The following PLEKHG6 variants were observed in gnomAD, a reference collection of about 807,000 sequenced individuals.
PLEKHG6 encodes the protein pleckstrin homology domain-containing family G member 6.
Under a neutral mutation model 97.5 loss-of-function variants are expected in PLEKHG6, and 91 were observed. The ratio of observed to expected loss-of-function variants is 0.93; its 90% confidence interval spans 0.79 to 1.11. PLEKHG6 has a LOEUF of 1.11. PLEKHG6 is among the 50% of genes most tolerant of loss of function. The pLI is 0.00. For missense variants in PLEKHG6, 1,044 were observed against 1,031.0 expected, an observed-to-expected ratio of 1.01 and a Z score of -0.17; for synonymous variants, 466 against 425.5, an observed-to-expected ratio of 1.10 and a Z score of -1.17.
upstream of PLEKHG6, chr12:6,310,623 CT>C (rs1360173893): frequency 6.6e-6 from 1 of 152,094 alleles, no homozygotes; most frequent in African/African-American, 2.4e-5. Flanking sequence ...GGCCCCGCCC[CT>C]CTGCCCCTCT....
chr12:6,315,731 G>A lies in PLEKHG6; in HGVS notation c.555+82G>A, dbSNP rs1031364272. The A allele has an allele frequency of 1.7e-6, 2 of 1,206,852 alleles. No individual in the cohort carries two copies. Among genetic ancestry groups the A allele is most frequent in the Non-Finnish European group, 2.4e-6 (2 of 850,252 alleles). The allele number at this position is 1,206,852 out of a possible 1,614,324, so 74.8% of individuals were successfully genotyped here. On this transcript the variant is annotated intron_variant, in intron 5 of 15. Coordinates refer to ENST00000684764, the MANE Select transcript of PLEKHG6 (RefSeq NM_001384598.1). The surrounding 1 kb of genome is among the most constrained non-coding windows in gnomAD (Gnocchi z 4.5). ...TCCCAGACTGGAAGGCAGGTCACTG[G>A]GGGAGGGAGGGGCAGGATTTCAGGC...
In PLEKHG6 at chr12:6,315,170, G is replaced by A; in HGVS notation, c.459+1G>A. On this transcript the variant is annotated splice_donor_variant, in intron 4 of 15. Coordinates refer to ENST00000684764, the MANE Select transcript of PLEKHG6 (RefSeq NM_001384598.1). LOFTEE classifies it high-confidence loss of function. The surrounding 1 kb of genome is among the most constrained non-coding windows in gnomAD (Gnocchi z 4.5). ...GAGGGAGCTGGTGCCTGGGCACAAGGTGAGCCTGAAACTCACAAGGTGAGT... is the reference window on the plus strand; with the variant it reads ...GAGGGAGCTGGTGCCTGGGCACAAGATGAGCCTGAAACTCACAAGGTGAGT... The A allele has an allele frequency of 4.3e-6, 7 of 1,609,976 alleles. No homozygotes were observed. In the South Asian group the frequency reaches 4.4e-5, roughly 10 times the overall value.
chr12:6,313,528 TG>T, intron 2 of PLEKHG6, 100 bp from the exon 3 acceptor site: 2 of 1,384,144 alleles, frequency 1.4e-6, no homozygotes, highest in Non-Finnish European at 2.0e-6. Flanking sequence ...CTTACCAGGG[TG>T]GGGGAACAAC....
At chr12:6,326,799 C>G (rs1007406570) in intron 14 of PLEKHG6, among the ~76,000 whole-genome samples, 1 of 152,074 alleles carries the variant, frequency 6.6e-6, no homozygotes, top group African/African-American at 2.4e-5. Context: ...ACAGAGTTAG[C>G]CTGCCTAGAG....
At position 6,327,566 on chromosome 12, in the gene PLEKHG6, G is replaced by A; in HGVS notation, c.1983G>A (p.Gln661=). The change falls in exon 15 of 16, where the codon CAG becomes CAA. Residue 661 remains glutamine (Q), a synonymous_variant. Transcript: ENST00000684764. Reference sequence around the variant, plus strand: ...TCCTAAAAGGAGGCAGTCTTCCCCAGGAAGACCCACCAACCTGGTCTGAGG... The same window carrying A: ...TCCTAAAAGGAGGCAGTCTTCCCCAAGAAGACCCACCAACCTGGTCTGAGG... ...EGILKGGSLP[Q]EDPPTWSEEE... is the part of the protein sequence containing the mutation. 1 of 1,519,692 alleles carries A rather than the reference G, an allele frequency of 6.6e-7. No homozygotes were observed. Among genetic ancestry groups the A allele is most frequent in the Non-Finnish European group, 8.9e-7 (1 of 1,122,926 alleles). The allele number at this position is 1,519,692 out of a possible 1,614,324, so 94.1% of individuals were successfully genotyped here. A position where few individuals can be genotyped will look rare whatever the true frequency, so the allele number is the denominator to read the frequency against.
Position 6,315,119 on chromosome 12 carries a change from A to G in PLEKHG6, c.409A>G (p.Ser137Gly). The stretch of plus-strand genomic sequence containing the variant: ...CTGGGAGATAGGAGAGGGTGGCGAC[A>G]GTGGCCTGACCATCGAGAAGTCCTG... ...RHWEIGEGGDSGLTIEKSWRE... is the reference protein window; with the variant it reads ...RHWEIGEGGDGGLTIEKSWRE... The change falls in exon 4 of 16, where the codon AGT (serine) becomes GGT (glycine). Residue 137 changes from serine to glycine, a missense_variant. Transcript: ENST00000684764. The surrounding 1 kb of genome is among the most constrained non-coding windows in gnomAD (Gnocchi z 4.5). 1.2e-6 allele frequency: 2 copies of G among 1,612,664 alleles called. No homozygotes were observed. Among genetic ancestry groups the G allele is most frequent in the Non-Finnish European group, 8.5e-7 (1 of 1,179,994 alleles).
chr12:6,322,867 T>G (rs1211666851), intron 13 of PLEKHG6, among the ~76,000 whole-genome samples: 1 of 151,270 alleles, frequency 6.6e-6, no homozygotes, highest in Non-Finnish European at 1.5e-5. Flanking sequence ...GACAACAGGG[T>G]GAGACCTTGT....
intron 10 of PLEKHG6, 148 bp from the exon 11 acceptor site, chr12:6,318,153 C>A: frequency 7.1e-7 from 1 of 1,399,496 alleles, no homozygotes. Flanking sequence ...GTCAGAAGAG[C>A]AAAAAGGAGG....
In PLEKHG6 at chr12:6,327,913, A is replaced by C. The variant is rs1565463965; in HGVS notation, c.2330A>C (p.His777Pro). The part of the protein sequence containing the change: ...RAQLQRMRGP[H>P]IIQLDTPLSA... ...CAGCTGCAGAGGATGCGGGGGCCCCACATCATTCAGCTGGACACCCCTCTG... is the reference window on the plus strand; with the variant it reads ...CAGCTGCAGAGGATGCGGGGGCCCCCCATCATTCAGCTGGACACCCCTCTG... Residue 777 changes from histidine (H) to proline (P), a missense_variant, in exon 15 of 16, where the codon CAC (histidine) becomes CCC (proline). His to Pro is a moderately conservative substitution (Grantham distance 77, BLOSUM62 -2). Transcript: ENST00000684764. 2 of 1,482,932 alleles carry C rather than the reference A, an allele frequency of 1.3e-6. No homozygotes were observed. The highest frequency in any genetic ancestry group is 4.7e-5 in the East Asian group (2 of 42,320). 91.9% of individuals were successfully genotyped at this position (1,482,932 alleles called of 1,614,324 possible).
rs550586055 is a variant in PLEKHG6 at position 6,317,858 on chromosome 12, T to A, written c.1019T>A (p.Ile340Asn). 9.7e-6 allele frequency: 15 copies of A among 1,552,370 alleles called. No individual in the cohort carries two copies. Among genetic ancestry groups the A allele is most frequent in the Non-Finnish European group, 1.3e-5 (15 of 1,147,076 alleles). The stretch of plus-strand genomic sequence containing the variant: ...TCCCACACCCCCAACCCCACCTAGA[T>A]TGAAGCCGTGGAGTCATTCCTGCGA... ...ARAQEALNAM[I>N]EAVESFLRHI... Residue 340 changes from isoleucine (I) to asparagine (N), a missense_variant and splice_region_variant, in exon 10 of 16, where the codon ATT becomes AAT. Coordinates refer to ENST00000684764, the MANE Select transcript of PLEKHG6 (RefSeq NM_001384598.1).
Position 6,327,479 on chromosome 12 carries a change from T to TGGGGCCCCCCCCCCCCC in PLEKHG6, c.1896_1897insGGGGCCCCCCCCCCCCC (p.Pro633GlyfsTer28). 2 of 1,603,262 alleles carry TGGGGCCCCCCCCCCCCC rather than the reference T, an allele frequency of 1.2e-6. No homozygotes were observed. The highest frequency in any genetic ancestry group is 1.7e-6 in the Non-Finnish European group (2 of 1,171,710). On this transcript the variant is annotated frameshift_variant, in exon 15 of 16. Transcript: ENST00000684764. LOFTEE classifies it high-confidence loss of function. ...TGGAACTCCGGGACATCCCTCTGCG[T>TGGGGCCCCCCCCCCCCC]CCCCACCCTCCCGACCCCCAAGCTC...
At chr12:6,317,724 T>A in intron 9 of PLEKHG6, 28 bp downstream of exon 9, 1 of 1,610,686 alleles carries the variant, frequency 6.2e-7, no homozygotes, top group Non-Finnish European at 8.5e-7. Flanking sequence ...GCTGGGACTC[T>A]GGTGAATCGG....
chr12:6,326,124 G>A (rs557827578), intron 13 of PLEKHG6, among the ~76,000 whole-genome samples: 1 of 152,006 alleles, frequency 6.6e-6, no homozygotes, highest in East Asian at 1.9e-4. Context: ...GGCCAAGATG[G>A]TGAAACCCCA....
intron 1 of PLEKHG6, among the ~76,000 whole-genome samples, chr12:6,311,784 T>C (rs1035312380): frequency 6.8e-6 from 1 of 146,986 alleles, no homozygotes; most frequent in Admixed American, 6.8e-5. Context: ...AAGCTTTATA[T>C]GGGGAAGGGG....
intron 13 of PLEKHG6, among the ~76,000 whole-genome samples, chr12:6,321,584 A>C (rs1947702454): frequency 6.6e-6 from 1 of 151,432 alleles, no homozygotes; most frequent in African/African-American, 2.4e-5. Context: ...CACGCCTGTA[A>C]TCCCAGCACT....
In PLEKHG6 at chr12:6,327,272, C is replaced by A; in HGVS notation, c.1689C>A (p.Thr563=). 1 of 1,601,052 alleles carries A rather than the reference C, an allele frequency of 6.2e-7. No individual in the cohort carries two copies. The highest frequency in any genetic ancestry group is 8.5e-7 in the Non-Finnish European group (1 of 1,171,756). The change falls in exon 15 of 16, where the codon ACC becomes ACA. Residue 563 remains threonine (T), a synonymous_variant. Transcript: ENST00000684764. ...ACTGTAGGACTCCTGAGTTCTCGACCATTATCCCCCACCTGGTGGTGACAG... is the reference window on the plus strand; with the variant it reads ...ACTGTAGGACTCCTGAGTTCTCGACAATTATCCCCCACCTGGTGGTGACAG... ...SAEGRTPEFS[T]IIPHLVVTED... is the part of the protein sequence containing the mutation.
chr12:6,322,236 C>T (rs561659319), intron 13 of PLEKHG6, among the ~76,000 whole-genome samples: 1 of 152,184 alleles, frequency 6.6e-6, no homozygotes, highest in Non-Finnish European at 1.5e-5. Flanking sequence ...TTAGTTATTG[C>T]TTCCTCAGTG....
Position 6,327,905 on chromosome 12 carries a change from G to C in PLEKHG6, c.2322G>C (p.Arg774=). Residue 774 remains arginine (R), a synonymous_variant, in exon 15 of 16, where the codon CGG becomes CGC. Coordinates refer to ENST00000684764, the MANE Select transcript of PLEKHG6 (RefSeq NM_001384598.1). ...KLTRAQLQRM[R]GPHIIQLDTP... is the part of the protein sequence containing the mutation. ...CTCGGGCCCAGCTGCAGAGGATGCG[G>C]GGGCCCCACATCATTCAGCTGGACA... 6.7e-7 allele frequency: 1 copy of C among 1,484,710 alleles called. No homozygotes were observed. The highest frequency in any genetic ancestry group is 8.9e-7 in the Non-Finnish European group (1 of 1,118,044). The allele number at this position is 1,484,710 out of a possible 1,614,324, so 92.0% of individuals were successfully genotyped here.
rs991736505 is a variant in PLEKHG6, at chr12:6,315,021, A to G, written c.311A>G (p.His104Arg). 1.3e-5 allele frequency: 21 copies of G among 1,613,682 alleles called. No homozygotes were observed. Among genetic ancestry groups the G allele is most frequent in the Non-Finnish European group, 1.4e-5 (17 of 1,179,976 alleles). ...SPKLKELTKA[H>R]ELEVRLHTFS... ...CTCCCCCAGGAACTCACCAAGGCCC[A>G]TGAGCTGGAGGTGAGGCTGCACACT... is the stretch of plus-strand genomic sequence containing the variant. Residue 104 changes from histidine (H) to arginine (R), a missense_variant, in exon 4 of 16, where the codon CAT becomes CGT. Physicochemically the swap from His to Arg is conservative, Grantham distance 29 (BLOSUM62 0). Coordinates refer to ENST00000684764, the MANE Select transcript of PLEKHG6 (RefSeq NM_001384598.1). The surrounding 1 kb of genome is among the most constrained non-coding windows in gnomAD (Gnocchi z 4.5).
Sources: allele counts gnomAD v4.1 joint callset (sites outside exome capture counted in the v4.1 genomes callset), GRCh38; gene constraint gnomAD v4.1.1; non-coding constraint Gnocchi (gnomAD v3.1); transcripts MANE v1.5; gene names NCBI Gene and HGNC (gene_info 2026-07-23, HGNC 2026-07-21).